The following HS3ST4 variants were observed in gnomAD, a reference collection of about 807,000 sequenced individuals.
The protein encoded by HS3ST4 is heparan sulfate glucosamine 3-O-sulfotransferase 4.
HS3ST4 carries 17 observed loss-of-function variants against 29.2 expected under a neutral mutation model. That is an observed-to-expected ratio of 0.58 (90% confidence interval 0.40 to 0.87). HS3ST4 has a LOEUF of 0.87. Ranked by LOEUF, HS3ST4 falls within the 40% of genes least tolerant of loss-of-function variation. HS3ST4 has a pLI of 0.00. For synonymous variants in HS3ST4, 314 were observed against 285.7 expected, an observed-to-expected ratio of 1.10 and a Z score of -1.00; for missense variants, 627 against 634.5, an observed-to-expected ratio of 0.99 and a Z score of 0.13.
chr16:25,970,299 C>T (rs533247630), intron 1 of HS3ST4, among the ~76,000 whole-genome samples: 29 of 152,274 alleles, frequency 1.9e-4, no homozygotes, highest in South Asian at 6.2e-4. Context: ...GGGGATTAAA[C>T]GTGATTTTAG....
rs115757029 is a variant in HS3ST4 at position 25,813,339 on chromosome 16, C to T, written c.734+120188C>T. On this transcript the variant is annotated intron_variant, in intron 1 of 1. Transcript: ENST00000331351. ...GCAACTGGGCGGAACATTAACATTG[C>T]TTGGGCCGGGTGCGGTGGCTCACAC... Among the ~76,000 whole-genome samples the T allele has an allele frequency of 5.0e-3, 755 of 152,208 alleles. 6 individuals carry two copies. Among genetic ancestry groups the T allele is most frequent in the African/African-American group, 0.017 (686 of 41,546 alleles).
chr16:25,823,702 A>C (rs1967186130), intron 1 of HS3ST4, among the ~76,000 whole-genome samples: 1 of 152,150 alleles, frequency 6.6e-6, no homozygotes, highest in Non-Finnish European at 1.5e-5. Context: ...CTGGGATTAC[A>C]GGCATGCACC....
chr16:25,897,550 G>T (rs1968079936), intron 1 of HS3ST4, among the ~76,000 whole-genome samples: 1 of 152,160 alleles, frequency 6.6e-6, no homozygotes, highest in Admixed American at 6.5e-5. Flanking sequence ...TCCTTTGCTG[G>T]CTGCGTGATC....
At chr16:26,094,247 T>A (rs1898895859) in intron 1 of HS3ST4, among the ~76,000 whole-genome samples, 1 of 152,078 alleles carries the variant, frequency 6.6e-6, no homozygotes, top group Non-Finnish European at 1.5e-5. Flanking sequence ...ACATTCAAAT[T>A]CAGGAAATGC....
intron 1 of HS3ST4, among the ~76,000 whole-genome samples, chr16:25,987,926 A>G (rs954307938): frequency 3.9e-5 from 6 of 152,070 alleles, no homozygotes; most frequent in East Asian, 1.9e-4. Flanking sequence ...ATGCGCCACC[A>G]TGCCTGGCTA....
chr16:25,847,587 C>T (rs1346136296), intron 1 of HS3ST4, among the ~76,000 whole-genome samples: 1 of 152,098 alleles, frequency 6.6e-6, no homozygotes, highest in East Asian at 1.9e-4. Flanking sequence ...AATTGAAATG[C>T]TTATAGTGTG....
chr16:25,706,185 T>TA (rs1200406862), intron 1 of HS3ST4, among the ~76,000 whole-genome samples: 1 of 152,116 alleles, frequency 6.6e-6, no homozygotes, highest in Non-Finnish European at 1.5e-5. Context: ...CGAAACAACA[T>TA]AAAAACCTAC....
intron 1 of HS3ST4, among the ~76,000 whole-genome samples, chr16:25,758,931 G>A (rs1040702427): frequency 4.6e-5 from 7 of 151,702 alleles, no homozygotes; most frequent in Non-Finnish European, 8.8e-5. Flanking sequence ...CTTGCAGCCT[G>A]GGTAACAGAG....
chr16:25,976,631 T>C (rs1467493555), intron 1 of HS3ST4, among the ~76,000 whole-genome samples: 1 of 152,220 alleles, frequency 6.6e-6, no homozygotes, highest in Non-Finnish European at 1.5e-5. Context: ...ACAGCTCTGC[T>C]GCATACCAGC....
intron 1 of HS3ST4, among the ~76,000 whole-genome samples, chr16:25,918,580 G>T (rs949185095): frequency 1.1e-4 from 17 of 152,240 alleles, no homozygotes; most frequent in Non-Finnish European, 2.4e-4. Context: ...GGATGAGCAG[G>T]TGTGGTTTGG....
chr16:25,758,579 C>G (rs1596562488), intron 1 of HS3ST4, among the ~76,000 whole-genome samples: 2 of 152,160 alleles, frequency 1.3e-5, no homozygotes, highest in Admixed American at 6.5e-5. Flanking sequence ...GATCCCCATC[C>G]TCTACAAGGA....
At chr16:25,753,738 T>C (rs976936012) in intron 1 of HS3ST4, among the ~76,000 whole-genome samples, 13 of 152,156 alleles carry the variant, frequency 8.5e-5, no homozygotes, top group Non-Finnish European at 1.6e-4. Context: ...GATTTCTTAT[T>C]CCCAGTGTTG....
At chr16:25,815,789 C>T (rs1014654158) in intron 1 of HS3ST4, among the ~76,000 whole-genome samples, 8 of 152,262 alleles carry the variant, frequency 5.3e-5, no homozygotes, top group African/African-American at 1.7e-4. Flanking sequence ...TTCCTTAACT[C>T]ACTCAACTCA....
intron 1 of HS3ST4, among the ~76,000 whole-genome samples, chr16:25,972,188 G>A (rs934718370): frequency 5.9e-5 from 9 of 152,202 alleles, no homozygotes; most frequent in Admixed American, 6.5e-5. Flanking sequence ...TTAACGGGTG[G>A]CTGTATTAGC....
chr16:26,020,045 C>G (rs1969397823), intron 1 of HS3ST4, among the ~76,000 whole-genome samples: 1 of 152,144 alleles, frequency 6.6e-6, no homozygotes, highest in South Asian at 2.1e-4. Flanking sequence ...TGTGCTTCCC[C>G]TAAACACCGC....
intron 1 of HS3ST4, among the ~76,000 whole-genome samples, chr16:25,704,363 A>G (rs1168700776): frequency 6.6e-6 from 1 of 152,184 alleles, no homozygotes; most frequent in Non-Finnish European, 1.5e-5. Context: ...CAGTGGCCTC[A>G]TGAAGTAGAT....
At chr16:25,906,048 G>A (rs1185894886) in intron 1 of HS3ST4, among the ~76,000 whole-genome samples, 4 of 152,306 alleles carry the variant, frequency 2.6e-5, no homozygotes, top group Admixed American at 2.6e-4. Flanking sequence ...GACTGTAAAG[G>A]TCTTTTAAAA....
intron 1 of HS3ST4, among the ~76,000 whole-genome samples, chr16:25,769,494 G>A (rs2141610320): frequency 6.6e-6 from 1 of 152,228 alleles, no homozygotes; most frequent in African/African-American, 2.4e-5. Context: ...CCTGTTGTTT[G>A]CCTGTCACAA....
intron 1 of HS3ST4, among the ~76,000 whole-genome samples, chr16:25,865,381 T>C (rs1206577532): frequency 1.3e-5 from 2 of 152,304 alleles, no homozygotes; most frequent in East Asian, 3.9e-4. Flanking sequence ...TTGTGGTTTT[T>C]ATTTGCACTT....
Sources: allele counts gnomAD v4.1 joint callset (sites outside exome capture counted in the v4.1 genomes callset), GRCh38; gene constraint gnomAD v4.1.1; transcripts MANE v1.5; gene names NCBI Gene and HGNC (gene_info 2026-07-23, HGNC 2026-07-21).